PLA2R1: variants seen among roughly 807,000 people sequenced by gnomAD.
PLA2R1 encodes the protein secretory phospholipase A2 receptor.
PLA2R1 carries 158 observed loss-of-function variants against 195.9 expected under a neutral mutation model. That is an observed-to-expected ratio of 0.81 (90% CI 0.71 to 0.92). PLA2R1 has a LOEUF of 0.92. Ranked by LOEUF, PLA2R1 falls within the 40% of genes least tolerant of loss-of-function variation. PLA2R1 has a pLI of 0.00. For synonymous variants in PLA2R1, 586 were observed against 598.2 expected, an observed-to-expected ratio of 0.98 and a Z score of 0.30; for missense variants, 1,626 against 1,764.6, an observed-to-expected ratio of 0.92 and a Z score of 1.41.
intron 17 of PLA2R1, among the ~76,000 whole-genome samples, chr2:159,974,435 C>G (rs1689399619): frequency 6.6e-6 from 1 of 152,160 alleles, no homozygotes; most frequent in Non-Finnish European, 1.5e-5. Flanking sequence ...TAGTACTTAT[C>G]ATAGTACCTG....
At position 159,970,176 on chromosome 2, in the gene PLA2R1, G is replaced by C; in HGVS notation, c.2632C>G (p.Gln878Glu). The part of the protein sequence containing the change: ...KYGASWWIGL[Q>E]EERANDEFRW... ...AATTCATCATTGGCTCTTTCTTCTT[G>C]AAGTCCAATCCACCAACTTGCACCA... Residue 878 changes from glutamine to glutamate, a missense_variant, in exon 18 of 30, where the codon CAA becomes GAA. By Grantham distance (29) the Gln-to-Glu change is conservative. Transcript: ENST00000283243. The C allele has an allele frequency of 6.2e-7, 1 of 1,609,104 alleles. No individual in the cohort carries two copies. The highest frequency in any genetic ancestry group is 2.2e-5 in the East Asian group (1 of 44,686).
Position 160,013,380 on chromosome 2 carries a change from A to G in PLA2R1, c.1552-5T>C, listed in dbSNP as rs771652263. 25 of 1,499,364 alleles carry G rather than the reference A, an allele frequency of 1.7e-5. No homozygotes were observed. Among genetic ancestry groups the G allele is most frequent in the Non-Finnish European group, 2.1e-5 (23 of 1,077,944 alleles). 92.9% of individuals were successfully genotyped at this position (1,499,364 alleles called of 1,614,324 possible). On this transcript the variant is annotated splice_region_variant and splice_polypyrimidine_tract_variant and intron_variant, in intron 9 of 29. Transcript: ENST00000283243. ...TCCACCATGTCTCTCCCATCCCTTA[A>G]AAAGAATAAAAGGGAAATTAAGGAC...
At chr2:159,970,899 C>A (rs1689114607) in intron 17 of PLA2R1, among the ~76,000 whole-genome samples, 1 of 122,776 alleles carries the variant, frequency 8.1e-6, no homozygotes, top group Admixed American at 1.2e-4. Flanking sequence ...GGGAGCTGAA[C>A]AATGAGAACA....
At chr2:159,986,276 G>A (rs938980137) in intron 12 of PLA2R1, among the ~76,000 whole-genome samples, 1 of 152,156 alleles carries the variant, frequency 6.6e-6, no homozygotes, top group Non-Finnish European at 1.5e-5. Context: ...TCAGATTTGG[G>A]ATGCTCAACT....
At chr2:160,050,747 C>T (rs901496739) in intron 1 of PLA2R1, among the ~76,000 whole-genome samples, 14 of 152,172 alleles carry the variant, frequency 9.2e-5, no homozygotes, top group Admixed American at 7.9e-4. Context: ...AAATTATACC[C>T]TAATGCCAAA....
intron 27 of PLA2R1, chr2:159,946,427 A>G: frequency 4.0e-6 from 4 of 992,518 alleles, no homozygotes; most frequent in Non-Finnish European, 4.8e-6. Context: ...ACAGTTCATC[A>G]TGGAAACATT....
intron 3 of PLA2R1, among the ~76,000 whole-genome samples, chr2:160,035,698 A>T (rs1386130445): frequency 1.3e-5 from 2 of 152,154 alleles, no homozygotes; most frequent in South Asian, 4.1e-4. Context: ...TGGTGTTATA[A>T]ATAGGTGATT....
At chr2:160,016,271 AAAAAAG>A (rs1468207988) in intron 9 of PLA2R1, among the ~76,000 whole-genome samples, 1 of 151,188 alleles carries the variant, frequency 6.6e-6, no homozygotes, top group Non-Finnish European at 1.5e-5. Flanking sequence ...CTCAAAAAAA[AAAAAAG>A]AAAAAGAAAA....
At chr2:160,013,749 GTGTCTC>G (rs1558927711) in intron 9 of PLA2R1, among the ~76,000 whole-genome samples, 60 of 138,004 alleles carry the variant, frequency 4.3e-4, no homozygotes, top group Admixed American at 1.9e-3. Flanking sequence ...GTGTGTGTGT[GTGTCTC>G]TCTCTCTCTG....
At chr2:160,000,742 T>C (rs1691534221) in intron 11 of PLA2R1, among the ~76,000 whole-genome samples, 1 of 152,014 alleles carries the variant, frequency 6.6e-6, no homozygotes, top group South Asian at 2.1e-4. Flanking sequence ...AAATAGACTT[T>C]CTAGAAATGA....
intron 3 of PLA2R1, among the ~76,000 whole-genome samples, chr2:160,034,697 C>T (rs1247236034): frequency 1.3e-5 from 2 of 152,270 alleles, no homozygotes; most frequent in East Asian, 3.9e-4. Context: ...CTTTGGGAGG[C>T]TGAAGCGGGA....
At chr2:160,011,361 G>A (rs1366979622) in intron 10 of PLA2R1, among the ~76,000 whole-genome samples, 1 of 152,138 alleles carries the variant, frequency 6.6e-6, no homozygotes, top group Non-Finnish European at 1.5e-5. Context: ...CTCTTCAGCT[G>A]CTGGGTTTCA....
chr2:159,949,842 T>C (rs1687629553), intron 24 of PLA2R1, 66 bp from the exon 25 acceptor site: 2 of 1,300,558 alleles, frequency 1.5e-6, no homozygotes, highest in Non-Finnish European at 1.1e-6. Flanking sequence ...CAGTGTTATC[T>C]GAGCATGCTA....
intron 1 of PLA2R1, among the ~76,000 whole-genome samples, chr2:160,058,316 G>A (rs1431086876): frequency 1.3e-5 from 2 of 152,112 alleles, no homozygotes; most frequent in East Asian, 1.9e-4. Context: ...CTTCTCCCCA[G>A]ATAGGACCTG....
At chr2:160,045,984 C>T (rs60527920) in intron 1 of PLA2R1, among the ~76,000 whole-genome samples, 23,233 of 152,160 alleles carry the variant, frequency 0.15, 2,198 homozygotes, top group East Asian at 0.36. Context: ...GGGTGAGTTT[C>T]CCGTGGAAAA....
intron 11 of PLA2R1, among the ~76,000 whole-genome samples, chr2:159,997,066 C>T (rs1482008932): frequency 2.6e-5 from 4 of 152,106 alleles, no homozygotes; most frequent in African/African-American, 9.7e-5. Flanking sequence ...AACTGTGTTT[C>T]TTGCCTTTTA....
At chr2:160,044,719 T>C (rs538554878) in intron 2 of PLA2R1, 55 bp downstream of exon 2, 53 of 1,466,510 alleles carry the variant, frequency 3.6e-5, no homozygotes, top group African/African-American at 2.4e-4. Context: ...TCTTTACTTA[T>C]AGGCAAACCT....
intron 1 of PLA2R1, among the ~76,000 whole-genome samples, chr2:160,048,837 C>CTTT: frequency 7.0e-6 from 1 of 143,778 alleles, no homozygotes; most frequent in African/African-American, 2.6e-5. Flanking sequence ...TTAGAAGAAA[C>CTTT]ATTTTTTTTT....
intron 14 of PLA2R1, 37 bp downstream of exon 14, chr2:159,979,793 T>G (rs1324493907): frequency 3.2e-6 from 4 of 1,256,744 alleles, no homozygotes; most frequent in Non-Finnish European, 4.6e-6. Flanking sequence ...CCACTTGTTT[T>G]GAATCCATCC....
Sources: allele counts gnomAD v4.1 joint callset (sites outside exome capture counted in the v4.1 genomes callset), GRCh38; gene constraint gnomAD v4.1.1; transcripts MANE v1.5; gene names NCBI Gene and HGNC (gene_info 2026-07-23, HGNC 2026-07-21).